Variants in ADGRA3 observed in about 807,000 individuals in gnomAD.
ADGRA3 encodes the protein adhesion G protein-coupled receptor A3.
A neutral mutation model predicts 119.8 loss-of-function variants in ADGRA3; 56 were observed. The ratio of observed to expected loss-of-function variants is 0.47; its 90% CI spans 0.38 to 0.58. The LOEUF (loss-of-function observed/expected upper bound fraction) is 0.58. Among genes scored for constraint, ADGRA3 ranks in the 20% least tolerant of loss-of-function variants. ADGRA3 has a pLI of 0.00. For missense variants in ADGRA3, 1,516 were observed against 1,649.0 expected (o/e 0.92, Z 1.40); for synonymous variants, 607 against 623.8 (o/e 0.97, Z 0.40).
chr4:22,392,770 G>T, intron 16 of ADGRA3, 80 bp from the exon 17 acceptor site: 1 of 1,329,494 alleles, frequency 7.5e-7, no homozygotes, highest in Non-Finnish European at 1.0e-6. Context: ...AAGTAACTCA[G>T]AAGTCTGATT....
At chr4:22,489,206 C>T (rs964071763) in intron 1 of ADGRA3, among the ~76,000 whole-genome samples, 1 of 152,124 alleles carries the variant, frequency 6.6e-6, no homozygotes, top group Non-Finnish European at 1.5e-5. Context: ...CCTCATAAAA[C>T]CGTCAGATCT....
At chr4:22,416,088 T>A (rs1272865624) in intron 12 of ADGRA3, among the ~76,000 whole-genome samples, 1 of 152,216 alleles carries the variant, frequency 6.6e-6, no homozygotes, top group Non-Finnish European at 1.5e-5. Flanking sequence ...GTATTTAATT[T>A]CTTTAAAAGA....
intron 1 of ADGRA3, among the ~76,000 whole-genome samples, chr4:22,500,020 G>A (rs908065782): frequency 3.3e-5 from 5 of 152,154 alleles, no homozygotes; most frequent in African/African-American, 9.7e-5. Context: ...ATGCTCCAAA[G>A]AGCATTTCCT....
At chr4:22,487,681 C>A (rs1372916779) in intron 1 of ADGRA3, among the ~76,000 whole-genome samples, 1 of 152,182 alleles carries the variant, frequency 6.6e-6, no homozygotes, top group African/African-American at 2.4e-5. Flanking sequence ...AGCCACAGAG[C>A]AGGACAAGAG....
chr4:22,505,142 C>A (rs1025720194), intron 1 of ADGRA3, among the ~76,000 whole-genome samples: 3 of 152,072 alleles, frequency 2.0e-5, no homozygotes, highest in African/African-American at 7.2e-5. Context: ...CATGAAAAAT[C>A]TTGGCTAGAA....
chr4:22,437,807 T>C (rs1261979826), intron 8 of ADGRA3, among the ~76,000 whole-genome samples: 1 of 152,134 alleles, frequency 6.6e-6, no homozygotes, highest in Non-Finnish European at 1.5e-5. Flanking sequence ...GAAAATTAGA[T>C]AGGTGTTTCT....
chr4:22,506,457 G>A (rs1284500415), intron 1 of ADGRA3, among the ~76,000 whole-genome samples: 2 of 152,160 alleles, frequency 1.3e-5, no homozygotes, highest in Non-Finnish European at 2.9e-5. Context: ...GGAAGCTGAG[G>A]CACAAGAATC....
At position 22,495,329 on chromosome 4, in the gene ADGRA3, A is replaced by G. The variant is rs531182989; in HGVS notation, c.257+20199T>C. 4.0e-4 allele frequency among the ~76,000 whole-genome samples: 61 copies of G among 152,108 alleles called. 1 individual carries two copies. Among genetic ancestry groups the G allele is most frequent in the African/African-American group, 1.5e-3 (61 of 41,380 alleles). ...TGGCGCACACCTATAATCCCAGCAC[A>G]TTGAGAGTCGGATCGCAGGGCCCAG... On this transcript the variant is annotated intron_variant, in intron 1 of 18. Coordinates refer to ENST00000334304, the MANE Select transcript of ADGRA3 (RefSeq NM_145290.4).
intron 1 of ADGRA3, among the ~76,000 whole-genome samples, chr4:22,479,721 C>T (rs1373333731): frequency 2.0e-5 from 3 of 152,100 alleles, no homozygotes; most frequent in Admixed American, 6.5e-5. Context: ...GCACTATTCA[C>T]AACAGCAAAG....
chr4:22,422,830 A>G (rs187716679), intron 11 of ADGRA3, among the ~76,000 whole-genome samples: 9 of 152,332 alleles, frequency 5.9e-5, no homozygotes, highest in African/African-American at 2.2e-4. Flanking sequence ...GGAGGTGGAC[A>G]TAAATATGAC....
chr4:22,390,409 G>A lies in ADGRA3; in HGVS notation c.2628-1226C>T, dbSNP rs571007996. On this transcript the variant is annotated intron_variant, in intron 17 of 18. Coordinates refer to ENST00000334304, the MANE Select transcript of ADGRA3 (RefSeq NM_145290.4). ...CGTATTATATATATATATAAAATAC[G>A]TATTATATATATATAATACGTATTA... 9.6e-4 allele frequency among the ~76,000 whole-genome samples: 82 copies of A among 85,600 alleles called. 8 individuals carry two copies. Among genetic ancestry groups the A allele is most frequent in the African/African-American group, 3.7e-3 (64 of 17,480 alleles). 56.2% of individuals were successfully genotyped at this position (85,600 alleles called of 152,430 possible).
At chr4:22,438,146 G>C (rs1390620277) in intron 8 of ADGRA3, 110 bp downstream of exon 8, 1 of 766,514 alleles carries the variant, frequency 1.3e-6, no homozygotes, top group Non-Finnish European at 2.2e-6. Context: ...CCTCAGACAT[G>C]TGCAGTTCTC....
At chr4:22,407,043 G>A (rs563159718) in intron 14 of ADGRA3, among the ~76,000 whole-genome samples, 23 of 152,112 alleles carry the variant, frequency 1.5e-4, no homozygotes, top group Non-Finnish European at 2.9e-4. Context: ...AGGCCGAGGC[G>A]GGTGGATCAC....
At chr4:22,460,766 G>A (rs1294576240) in intron 3 of ADGRA3, among the ~76,000 whole-genome samples, 3 of 152,146 alleles carry the variant, frequency 2.0e-5, no homozygotes. Flanking sequence ...GAAATTAGAA[G>A]GGTAGAGGGA....
intron 4 of ADGRA3, among the ~76,000 whole-genome samples, chr4:22,451,867 G>C (rs1038803600): frequency 6.6e-6 from 1 of 152,138 alleles, no homozygotes; most frequent in Non-Finnish European, 1.5e-5. Flanking sequence ...TCTAAGAAAT[G>C]TATTACATGC....
intron 3 of ADGRA3, among the ~76,000 whole-genome samples, chr4:22,456,326 C>T (rs552775928): frequency 2.0e-5 from 3 of 151,996 alleles, no homozygotes; most frequent in Admixed American, 6.6e-5. Flanking sequence ...GAGATTGGTG[C>T]GGGAGTCAGT....
chr4:22,480,125 C>T (rs1438794602), intron 1 of ADGRA3, among the ~76,000 whole-genome samples: 1 of 152,082 alleles, frequency 6.6e-6, no homozygotes, highest in Non-Finnish European at 1.5e-5. Flanking sequence ...GCACATGTAT[C>T]TCAGCACTTA....
intron 2 of ADGRA3, among the ~76,000 whole-genome samples, chr4:22,465,313 C>T (rs1400834115): frequency 6.6e-6 from 1 of 152,160 alleles, no homozygotes; most frequent in Non-Finnish European, 1.5e-5. Flanking sequence ...TGACACCTGA[C>T]CAACCTTGTG....
chr4:22,504,259 G>A (rs1447066189), intron 1 of ADGRA3, among the ~76,000 whole-genome samples: 3 of 152,054 alleles, frequency 2.0e-5, no homozygotes, highest in Non-Finnish European at 4.4e-5. Context: ...GACAAAAAAT[G>A]TAAGTTTTAA....
Sources: allele counts gnomAD v4.1 joint callset (sites outside exome capture counted in the v4.1 genomes callset), GRCh38; gene constraint gnomAD v4.1.1; transcripts MANE v1.5; gene names NCBI Gene and HGNC (gene_info 2026-07-23, HGNC 2026-07-21).